STK4: variants seen among roughly 807,000 people sequenced by gnomAD.
STK4 encodes serine/threonine kinase 4.
STK4 carries 30 observed loss-of-function variants against 64.9 expected under a neutral mutation model. That is an observed-to-expected ratio of 0.46 (90% CI 0.35 to 0.63). The LOEUF (loss-of-function observed/expected upper bound fraction) is 0.63. STK4 is among the 20% of genes least tolerant of loss of function. The pLI is 0.01. For synonymous variants in STK4, 177 were observed against 199.0 expected, an observed-to-expected ratio of 0.89 and a Z score of 0.93; for missense variants, 466 against 598.5, an observed-to-expected ratio of 0.78 and a Z score of 2.31.
chr20:45,017,131 A>G (rs1487871984), intron 9 of STK4, among the ~76,000 whole-genome samples: 3 of 152,226 alleles, frequency 2.0e-5, no homozygotes, highest in Non-Finnish European at 4.4e-5. Context: ...AATAGTCACT[A>G]TGTGTCATTA....
intron 10 of STK4, among the ~76,000 whole-genome samples, chr20:45,028,779 C>T (rs999322555): frequency 3.3e-5 from 5 of 152,136 alleles, no homozygotes; most frequent in East Asian, 1.9e-4. Flanking sequence ...GTAGTTTCAA[C>T]GTGTAAAGAA....
chr20:45,071,105 A>G (rs569119493), intron 10 of STK4, among the ~76,000 whole-genome samples: 1 of 152,290 alleles, frequency 6.6e-6, no homozygotes, highest in East Asian at 1.9e-4. Flanking sequence ...TCAGGGACTG[A>G]AATATCCAGT....
At chr20:44,996,796 T>A (rs1234561765) in intron 6 of STK4, among the ~76,000 whole-genome samples, 1 of 152,142 alleles carries the variant, frequency 6.6e-6, no homozygotes, top group South Asian at 2.1e-4. Flanking sequence ...GTAATAACTT[T>A]TAAGAGGCAG....
chr20:45,024,299 C>T (rs1027355401), intron 9 of STK4, among the ~76,000 whole-genome samples: 15 of 151,124 alleles, frequency 9.9e-5, no homozygotes, highest in African/African-American at 3.7e-4. Context: ...GGGTATTTTC[C>T]CCTAGTTTTT....
intron 1 of STK4, among the ~76,000 whole-genome samples, chr20:44,971,726 A>G (rs934730656): frequency 8.1e-6 from 1 of 123,244 alleles, no homozygotes; most frequent in African/African-American, 3.2e-5. Flanking sequence ...GCTTGAGCGT[A>G]GTGGCGCAAT....
intron 10 of STK4, among the ~76,000 whole-genome samples, chr20:45,067,167 G>A (rs2145477170): frequency 6.6e-6 from 1 of 152,188 alleles, no homozygotes; most frequent in Non-Finnish European, 1.5e-5. Flanking sequence ...TGAGGTATGG[G>A]ATGGTATGAT....
intron 5 of STK4, among the ~76,000 whole-genome samples, chr20:44,991,603 A>T (rs1256758927): frequency 6.6e-6 from 1 of 152,146 alleles, no homozygotes; most frequent in African/African-American, 2.4e-5. Flanking sequence ...TTGGCCATTT[A>T]TAAAAATTCG....
At chr20:45,028,769 G>A (rs1362306490) in intron 10 of STK4, among the ~76,000 whole-genome samples, 1 of 152,166 alleles carries the variant, frequency 6.6e-6, no homozygotes, top group Admixed American at 6.5e-5. Flanking sequence ...TCTTGGATCA[G>A]TAGTTTCAAC....
At chr20:44,993,502 G>T (rs767381376) in intron 5 of STK4, among the ~76,000 whole-genome samples, 9 of 152,152 alleles carry the variant, frequency 5.9e-5, no homozygotes, top group Non-Finnish European at 1.3e-4. Flanking sequence ...AAGTTTCAGA[G>T]CTAAGGAAAT....
intron 5 of STK4, among the ~76,000 whole-genome samples, chr20:44,991,479 C>T (rs576173150): frequency 6.6e-6 from 1 of 152,190 alleles, no homozygotes; most frequent in Non-Finnish European, 1.5e-5. Flanking sequence ...CAGTTTCCAA[C>T]TTCAGTATAT....
chr20:45,001,091 G>A, intron 8 of STK4, 76 bp from the exon 9 acceptor site: 2 of 1,447,498 alleles, frequency 1.4e-6, no homozygotes, highest in South Asian at 2.7e-5. Context: ...TTTTCACTAA[G>A]ACAGGTAGTA....
intron 7 of STK4, among the ~76,000 whole-genome samples, chr20:44,998,861 G>A (rs1426853528): frequency 1.3e-5 from 2 of 151,942 alleles, no homozygotes; most frequent in African/African-American, 4.8e-5. Context: ...ACTTGAGGTC[G>A]GGAGTTTGAG....
intron 1 of STK4, among the ~76,000 whole-genome samples, chr20:44,968,189 G>T (rs890240916): frequency 6.6e-6 from 1 of 151,580 alleles, no homozygotes; most frequent in Admixed American, 6.6e-5. Context: ...CCAGTCTGAA[G>T]TGCAGTGGCG....
intron 6 of STK4, among the ~76,000 whole-genome samples, chr20:44,995,605 CAAAAA>C (rs60140206): frequency 1.8e-5 from 1 of 54,548 alleles, no homozygotes; most frequent in African/African-American, 6.8e-5. Context: ...GACTCCATCT[CAAAAA>C]AAAAAAAAAA....
intron 1 of STK4, among the ~76,000 whole-genome samples, chr20:44,970,069 C>T (rs1813765057): frequency 6.6e-6 from 1 of 151,784 alleles, no homozygotes; most frequent in Non-Finnish European, 1.5e-5. Context: ...AGCCCCGGAT[C>T]AAAAACAAAC....
chr20:44,987,707 T>C, intron 5 of STK4, among the ~76,000 whole-genome samples: 1 of 151,856 alleles, frequency 6.6e-6, no homozygotes, highest in East Asian at 1.9e-4. Context: ...TTCGTTTGAG[T>C]CCAGGATACA....
intron 10 of STK4, among the ~76,000 whole-genome samples, chr20:45,035,312 A>T (rs899261497): frequency 8.5e-5 from 13 of 152,168 alleles, no homozygotes; most frequent in Non-Finnish European, 1.9e-4. Context: ...ACTTAAAAGA[A>T]ATAAATAGAG....
intron 10 of STK4, among the ~76,000 whole-genome samples, chr20:45,070,999 C>T (rs529190129): frequency 6.6e-6 from 1 of 152,154 alleles, no homozygotes; most frequent in African/African-American, 2.4e-5. Context: ...CCACTGGATC[C>T]GTCCCATAAC....
At chr20:44,990,849 C>A (rs970089886) in intron 5 of STK4, among the ~76,000 whole-genome samples, 5 of 152,084 alleles carry the variant, frequency 3.3e-5, no homozygotes, top group African/African-American at 9.7e-5. Flanking sequence ...ATTTGGATGT[C>A]CGTTTTCACC....
Sources: gnomAD v4.1 joint callset for allele counts (sites outside exome capture counted in the v4.1 genomes callset) on GRCh38, gnomAD v4.1.1 for gene constraint, MANE v1.5 for transcripts, NCBI Gene and HGNC (gene_info 2026-07-23, HGNC 2026-07-21) for gene names.